TRIM42: variants seen among roughly 807,000 people sequenced by gnomAD.
TRIM42 encodes the protein tripartite motif-containing protein 42.
In TRIM42, 59 loss-of-function variants were observed where a neutral mutation model predicts 64.9. The observed-to-expected ratio is 0.91, with a 90% CI of 0.74 to 1.13. The LOEUF (loss-of-function observed/expected upper bound fraction) is 1.13, where lower values mean the gene tolerates loss of function less well. TRIM42 is among the 50% of genes most tolerant of loss of function. The pLI, the probability that TRIM42 is intolerant of heterozygous loss-of-function variation, is 0.00. For synonymous variants in TRIM42, 354 were observed against 346.3 expected (o/e 1.02, Z -0.25); for missense variants, 878 against 929.5 (o/e 0.94, Z 0.72).
Position 140,682,963 on chromosome 3 carries a change from C to A in TRIM42, c.843C>A (p.Ser281Arg), listed in dbSNP as rs747463987. 8 of 1,614,204 alleles carry A rather than the reference C, an allele frequency of 5.0e-6. No individual in the cohort carries two copies. Among genetic ancestry groups the A allele is most frequent in the Middle Eastern group, 1.6e-4 (1 of 6,062 alleles). Residue 281 changes from serine to arginine, a missense_variant, in exon 2 of 5, where the codon AGC becomes AGA. Ser to Arg is a moderately radical substitution (Grantham distance 110). Transcript: ENST00000286349. ...AMQDHVFVDT[S>R]AEEQDEKICI... ...AAGACCACGTCTTTGTGGACACCAG[C>A]GCCGAGGAACAGGACGAGAAGATCT...
intron 4 of TRIM42, among the ~76,000 whole-genome samples, chr3:140,691,419 T>C (rs1342665884): frequency 1.3e-5 from 2 of 152,204 alleles, no homozygotes; most frequent in Non-Finnish European, 2.9e-5. Context: ...GTTCTAGGCA[T>C]TGTGTACAGA....
intron 4 of TRIM42, among the ~76,000 whole-genome samples, chr3:140,692,950 C>A (rs7652720): frequency 2.0e-5 from 3 of 152,202 alleles, no homozygotes; most frequent in African/African-American, 7.2e-5. Flanking sequence ...CCATCTCAGT[C>A]CCTCTTGGCT....
intron 4 of TRIM42, among the ~76,000 whole-genome samples, chr3:140,692,143 C>T (rs1040186850): frequency 6.6e-6 from 1 of 152,108 alleles, no homozygotes; most frequent in Non-Finnish European, 1.5e-5. Flanking sequence ...CTCTTCCTCT[C>T]TCCCTGCTTC....
intron 3 of TRIM42, among the ~76,000 whole-genome samples, chr3:140,688,801 T>A (rs542303767): frequency 2.0e-5 from 3 of 152,340 alleles, no homozygotes; most frequent in Admixed American, 6.5e-5. Flanking sequence ...CTACCTCCAC[T>A]GCAAAGGCAG....
At chr3:140,680,180 T>G (rs1988337217) in intron 1 of TRIM42, among the ~76,000 whole-genome samples, 1 of 151,996 alleles carries the variant, frequency 6.6e-6, no homozygotes, top group Admixed American at 6.6e-5. Context: ...GAATGCCCCG[T>G]CCAAGCCTGA....
chr3:140,684,306 T>A (rs1051461703), intron 2 of TRIM42, among the ~76,000 whole-genome samples: 27 of 152,220 alleles, frequency 1.8e-4, no homozygotes, highest in African/African-American at 6.5e-4. Context: ...TACTTTGTGC[T>A]AAGCAGTGAC....
intron 4 of TRIM42, among the ~76,000 whole-genome samples, chr3:140,693,194 C>T (rs1346440869): frequency 6.6e-6 from 1 of 152,206 alleles, no homozygotes; most frequent in Non-Finnish European, 1.5e-5. Context: ...TTAATAATTA[C>T]AAAGTACCGT....
At chr3:140,685,965 C>T (rs1048992362) in intron 2 of TRIM42, among the ~76,000 whole-genome samples, 1 of 152,132 alleles carries the variant, frequency 6.6e-6, no homozygotes, top group Non-Finnish European at 1.5e-5. Context: ...AGTGTATTGC[C>T]TAAAAGAGAC....
At chr3:140,697,761 G>A (rs1383779250) in intron 4 of TRIM42, among the ~76,000 whole-genome samples, 1 of 152,220 alleles carries the variant, frequency 6.6e-6, no homozygotes, top group African/African-American at 2.4e-5. Flanking sequence ...TCGGCTCACT[G>A]CAAGCTCCGC....
chr3:140,701,129 G>A lies in TRIM42; in HGVS notation c.*155G>A. On this transcript the variant is annotated 3_prime_UTR_variant, in exon 5 of 5. Coordinates refer to ENST00000286349, the MANE Select transcript of TRIM42 (RefSeq NM_152616.5). Reference sequence around the variant, plus strand: ...GCTTTCCAACAGGAATCTTGTAAGAGCTAATAAAAGGAAATACCTGACATG... The same window carrying A: ...GCTTTCCAACAGGAATCTTGTAAGAACTAATAAAAGGAAATACCTGACATG... The A allele has an allele frequency of 3.4e-6, 2 of 596,730 alleles. No homozygotes were observed. The highest frequency in any genetic ancestry group is 4.4e-5 in the South Asian group (2 of 45,462). 37.0% of individuals were successfully genotyped at this position (596,730 alleles called of 1,614,324 possible).
chr3:140,693,932 G>C (rs1408229011), intron 4 of TRIM42, among the ~76,000 whole-genome samples: 7 of 152,192 alleles, frequency 4.6e-5, no homozygotes, highest in Admixed American at 4.6e-4. Context: ...ACTGGGAAAG[G>C]AGGAAGTGAT....
intron 4 of TRIM42, among the ~76,000 whole-genome samples, chr3:140,692,651 C>A (rs1988753145): frequency 6.6e-6 from 1 of 152,126 alleles, no homozygotes; most frequent in Non-Finnish European, 1.5e-5. Context: ...CTCCTCCTGC[C>A]AGCCTCCAGC....
chr3:140,682,472 G>A lies in TRIM42; in HGVS notation c.352G>A (p.Ala118Thr). The A allele has an allele frequency of 6.2e-7, 1 of 1,612,812 alleles. No individual in the cohort carries two copies. The highest frequency in any genetic ancestry group is 8.5e-7 in the Non-Finnish European group (1 of 1,179,060). Residue 118 changes from alanine (A) to threonine (T), a missense_variant, in exon 2 of 5, where the codon GCC becomes ACC. Ala to Thr is a moderately conservative substitution (Grantham distance 58, BLOSUM62 0). Transcript: ENST00000286349. The stretch of plus-strand genomic sequence containing the variant: ...TGCTTCTCCTTTCAGCTCCAAGACT[G>A]CCCTGCGCACTGGGAGCAGCGATAC... ...LRSIHTSSKT[A>T]LRTGSSDTQV...
At position 140,678,113 on chromosome 3, in the gene TRIM42, C is replaced by G. The variant is rs1033184753; in HGVS notation, c.-117C>G. 3.1e-6 allele frequency: 3 copies of G among 970,796 alleles called. No homozygotes were observed. The African/African-American group carries it at 4.9e-5, about 16-fold the overall frequency. 60.1% of individuals were successfully genotyped at this position (970,796 alleles called of 1,614,324 possible). On this transcript the variant is annotated 5_prime_UTR_variant, in exon 1 of 5. Coordinates refer to ENST00000286349, the MANE Select transcript of TRIM42 (RefSeq NM_152616.5). ...ATAACAGCCAACTTCTTGCAACTTT[C>G]AAGCTGACGGCCTCAGGAATGGGAG...
Position 140,682,577 on chromosome 3 carries a change from C to T in TRIM42, c.457C>T (p.Arg153Cys), listed in dbSNP as rs998238965. 2 of 1,614,126 alleles carry T rather than the reference C, an allele frequency of 1.2e-6. No individual in the cohort carries two copies. The highest frequency in any genetic ancestry group is 1.7e-5 in the Admixed American group (1 of 60,014). ...HLNCPMCSRLRLHSFMLPCNH... is the reference protein window; with the variant it reads ...HLNCPMCSRLCLHSFMLPCNH... ...CAATTGCCCCATGTGCAGCCGGCTG[C>T]GCCTGCACTCATTCATGCTGCCCTG... Residue 153 changes from arginine to cysteine, a missense_variant, in exon 2 of 5, where the codon CGC becomes TGC. Coordinates refer to ENST00000286349, the MANE Select transcript of TRIM42 (RefSeq NM_152616.5).
At chr3:140,679,150 A>T (rs1488300999) in intron 1 of TRIM42, among the ~76,000 whole-genome samples, 1 of 151,816 alleles carries the variant, frequency 6.6e-6, no homozygotes, top group Non-Finnish European at 1.5e-5. Flanking sequence ...CTTCCTATGA[A>T]CTCTTAATAC....
chr3:140,687,710 G>A lies in TRIM42; in HGVS notation c.1040-12G>A, dbSNP rs376030076. ...GAAAATTTTAAAAGTAACTAACTTGGCATTTTTGCAGTCCGATATGAAATT... is the reference window on the plus strand; with the variant it reads ...GAAAATTTTAAAAGTAACTAACTTGACATTTTTGCAGTCCGATATGAAATT... On this transcript the variant is annotated splice_polypyrimidine_tract_variant and intron_variant, in intron 2 of 4. Transcript: ENST00000286349. The A allele has an allele frequency of 4.9e-5, 77 of 1,585,482 alleles. No individual in the cohort carries two copies. In the South Asian group the frequency reaches 8.1e-4, roughly 17 times the overall value.
intron 3 of TRIM42, 94 bp from the exon 4 acceptor site, chr3:140,690,874 C>T: frequency 9.6e-7 from 1 of 1,038,914 alleles, no homozygotes; most frequent in African/African-American, 1.6e-5. Context: ...AGCTTAAACT[C>T]ACCCCACAGA....
At chr3:140,697,583 T>C (rs552335476) in intron 4 of TRIM42, among the ~76,000 whole-genome samples, 18 of 152,374 alleles carry the variant, frequency 1.2e-4, no homozygotes, top group African/African-American at 4.3e-4. Context: ...TTTCACCATG[T>C]AGTGAACCAG....
Sources: allele counts gnomAD v4.1 joint callset (sites outside exome capture counted in the v4.1 genomes callset), GRCh38; gene constraint gnomAD v4.1.1; transcripts MANE v1.5; gene names NCBI Gene and HGNC (gene_info 2026-07-23, HGNC 2026-07-21).